Variants in GAS2 observed in about 807,000 individuals in gnomAD.
GAS2 encodes growth arrest-specific protein 2.
A neutral mutation model predicts 37.5 loss-of-function variants in GAS2; 20 were observed. The observed-to-expected ratio is 0.53, with a 90% CI of 0.37 to 0.77. The LOEUF is 0.77. Ranked by LOEUF, GAS2 falls within the 30% of genes least tolerant of loss-of-function variation. The pLI is 0.00. For missense variants in GAS2, 336 were observed against 373.4 expected (o/e 0.90, Z 0.82); for synonymous variants, 144 against 132.2 (o/e 1.09, Z -0.61).
upstream of GAS2, among the ~76,000 whole-genome samples, chr11:22,664,971 G>T (rs1382422109): frequency 6.7e-6 from 1 of 148,820 alleles, no homozygotes; most frequent in African/African-American, 2.5e-5. Context: ...CTTTCTGAGA[G>T]ACAGAGGATC....
At chr11:22,656,001 C>T (rs1848849863) in intron 1 of GAS2, among the ~76,000 whole-genome samples, 2 of 152,242 alleles carry the variant, frequency 1.3e-5, no homozygotes, top group Admixed American at 1.3e-4. Flanking sequence ...GAAATATTCT[C>T]ATTTACTAAA....
chr11:22,650,488 T>C (rs1232127595), intron 1 of GAS2, among the ~76,000 whole-genome samples: 1 of 151,744 alleles, frequency 6.6e-6, no homozygotes, highest in Non-Finnish European at 1.5e-5. Context: ...ACTTTCTGTC[T>C]CGTTGATCTG....
At chr11:22,654,385 CTTCCTTCT>C (rs1157785559) in intron 1 of GAS2, among the ~76,000 whole-genome samples, 2 of 150,732 alleles carry the variant, frequency 1.3e-5, no homozygotes, top group African/African-American at 2.4e-5. Context: ...CCCTCCCTCT[CTTCCTTCT>C]TTCCTTCTTT....
At chr11:22,694,276 C>G (rs1850389009) in intron 3 of GAS2, among the ~76,000 whole-genome samples, 2 of 152,174 alleles carry the variant, frequency 1.3e-5, no homozygotes, top group African/African-American at 4.8e-5. Context: ...TCTAGGAGAT[C>G]TGATTGGCCT....
In GAS2 at chr11:22,678,982, A is replaced by T. The variant is rs545219101; in HGVS notation, c.145+3968A>T. Among the ~76,000 whole-genome samples the T allele has an allele frequency of 7.9e-5, 12 of 152,252 alleles. No individual in the cohort carries two copies. In the South Asian group the frequency reaches 2.3e-3, roughly 29 times the overall value. ...ATGCTAGCTGAAATTTATATATTAG[A>T]ATATAAAATACCAGCTATCTTGTAA... On this transcript the variant is annotated intron_variant, in intron 2 of 7. Coordinates refer to ENST00000454584, the MANE Select transcript of GAS2 (RefSeq NM_001143830.3).
At chr11:22,703,085 A>G (rs1258108903) in intron 3 of GAS2, among the ~76,000 whole-genome samples, 6 of 152,168 alleles carry the variant, frequency 3.9e-5, no homozygotes, top group African/African-American at 7.2e-5. Flanking sequence ...CAAATTCTGG[A>G]TAGAAAAAGG....
intron 7 of GAS2, among the ~76,000 whole-genome samples, chr11:22,803,044 T>A (rs1215628609): frequency 6.6e-6 from 1 of 152,126 alleles, no homozygotes; most frequent in Non-Finnish European, 1.5e-5. Flanking sequence ...TGAAATTGCC[T>A]AACACACATT....
chr11:22,685,614 G>T, intron 2 of GAS2, 54 bp from the exon 3 acceptor site: 1 of 1,568,268 alleles, frequency 6.4e-7, no homozygotes, highest in Non-Finnish European at 8.7e-7. Flanking sequence ...ATTTTATTTA[G>T]TGTGAATCTG....
chr11:22,710,702 C>T (rs661299), intron 3 of GAS2, among the ~76,000 whole-genome samples: 27,347 of 151,880 alleles, frequency 0.18, 2,651 homozygotes, highest in East Asian at 0.37. Context: ...AAGCTCCTTC[C>T]TCTTTCTGAG....
intron 7 of GAS2, among the ~76,000 whole-genome samples, chr11:22,757,159 A>G (rs114370060): frequency 0.011 from 1,664 of 152,162 alleles, 38 homozygotes; most frequent in African/African-American, 0.038. Flanking sequence ...TAAATTATAT[A>G]CTTCTCCCTG....
chr11:22,741,598 G>A (rs780751720), intron 5 of GAS2, among the ~76,000 whole-genome samples: 20 of 151,594 alleles, frequency 1.3e-4, no homozygotes, highest in African/African-American at 3.6e-4. Flanking sequence ...AAATACTTTC[G>A]GAACATTTTC....
chr11:22,633,271 T>C (rs1340618527), intron 1 of GAS2, among the ~76,000 whole-genome samples: 1 of 152,212 alleles, frequency 6.6e-6, no homozygotes, highest in Non-Finnish European at 1.5e-5. Flanking sequence ...ATGACTGTAA[T>C]GTTTATAGTT....
At chr11:22,665,205 G>C (rs187891260), upstream of GAS2, among the ~76,000 whole-genome samples, 58 of 152,250 alleles carry the variant, frequency 3.8e-4, no homozygotes, top group East Asian at 9.4e-3. Flanking sequence ...CATATCTGGG[G>C]AGAAATAGGA....
intron 1 of GAS2, among the ~76,000 whole-genome samples, chr11:22,634,123 T>C (rs1194518091): frequency 2.6e-5 from 4 of 152,136 alleles, no homozygotes; most frequent in Non-Finnish European, 5.9e-5. Context: ...CTCACATTCA[T>C]GGCGGAACAT....
intron 1 of GAS2, among the ~76,000 whole-genome samples, chr11:22,645,404 G>A (rs898786108): frequency 5.3e-5 from 8 of 152,066 alleles, no homozygotes; most frequent in African/African-American, 1.9e-4. Context: ...CTACTCAGGA[G>A]GCTGAGGCAC....
At position 22,630,051 on chromosome 11, in the gene GAS2, AT is replaced by A. The variant is rs553937551; in HGVS notation, c.-21+4247del. 1.3e-4 allele frequency among the ~76,000 whole-genome samples: 19 copies of A among 151,118 alleles called. No individual in the cohort carries two copies. The East Asian group carries it at 1.4e-3, about 11-fold the overall frequency. The stretch of plus-strand genomic sequence containing the variant: ...AGGGCTATCCAGTTTTCCTCACACC[AT>A]TTTTTTTTATTATACTGTAAGCTCT... On this transcript the variant is annotated intron_variant, in intron 1 of 5. Coordinates refer to the GAS2 transcript ENST00000528582.
chr11:22,640,893 G>T (rs1411561655), intron 1 of GAS2, among the ~76,000 whole-genome samples: 1 of 152,098 alleles, frequency 6.6e-6, no homozygotes, highest in African/African-American at 2.4e-5. Flanking sequence ...GCAAAAGAAA[G>T]GGCATTGTAA....
chr11:22,750,672 A>G (rs1269152902), intron 6 of GAS2, among the ~76,000 whole-genome samples: 1 of 152,048 alleles, frequency 6.6e-6, no homozygotes, highest in Non-Finnish European at 1.5e-5. Flanking sequence ...TATTATTAGT[A>G]GATAATGATC....
chr11:22,670,873 A>G (rs1424756247), intron 1 of GAS2, among the ~76,000 whole-genome samples: 1 of 152,104 alleles, frequency 6.6e-6, no homozygotes, highest in African/African-American at 2.4e-5. Flanking sequence ...CATAGCCGAC[A>G]GAAGTGTATA....
Sources: allele counts gnomAD v4.1 joint callset (sites outside exome capture counted in the v4.1 genomes callset), GRCh38; gene constraint gnomAD v4.1.1; transcripts MANE v1.5; gene names NCBI Gene and HGNC (gene_info 2026-07-23, HGNC 2026-07-21).